The following PVT1 variants were observed in gnomAD, a reference collection of about 807,000 sequenced individuals.
PVT1 encodes CXCR4/PVT1 fusion.
chr8:127,931,806 A>G (rs1225291479), intron 3 of PVT1, among the ~76,000 whole-genome samples: 1 of 152,240 alleles, frequency 6.6e-6, no homozygotes, highest in Non-Finnish European at 1.5e-5. Flanking sequence ...CAGTGTTTAC[A>G]CAGGCTGGAG....
intron 2 of PVT1, among the ~76,000 whole-genome samples, chr8:127,815,566 T>A (rs1466868480): frequency 6.6e-6 from 1 of 152,190 alleles, no homozygotes; most frequent in Non-Finnish European, 1.5e-5. Context: ...ATCAGGTAGA[T>A]GCTGCTTTTC....
At chr8:128,013,731 C>A (rs1817340894) in intron 4 of PVT1, among the ~76,000 whole-genome samples, 1 of 152,210 alleles carries the variant, frequency 6.6e-6, no homozygotes, top group Non-Finnish European at 1.5e-5. Context: ...CTTTCTTTCC[C>A]TTCCACATAT....
intron 2 of PVT1, among the ~76,000 whole-genome samples, chr8:127,863,457 C>T (rs1419932806): frequency 6.6e-6 from 1 of 152,170 alleles, no homozygotes; most frequent in East Asian, 1.9e-4. Context: ...TGCCAAGGAA[C>T]TTCTCTCTTC....
At chr8:127,965,946 A>G (rs922800090) in intron 3 of PVT1, among the ~76,000 whole-genome samples, 7 of 152,222 alleles carry the variant, frequency 4.6e-5, no homozygotes, top group African/African-American at 1.4e-4. Flanking sequence ...TTTGATATGA[A>G]TGCAGAATCA....
At chr8:128,026,124 G>C (rs141601138) in intron 4 of PVT1, among the ~76,000 whole-genome samples, 164 of 152,094 alleles carry the variant, frequency 1.1e-3, no homozygotes, top group Non-Finnish European at 2.6e-4. Flanking sequence ...TGCAATTTTA[G>C]TAGAGATGAG....
intron 3 of PVT1, among the ~76,000 whole-genome samples, chr8:127,936,389 C>T (rs551801645): frequency 1.3e-5 from 2 of 152,204 alleles, no homozygotes; most frequent in African/African-American, 2.4e-5. Context: ...AGCCCTGAAG[C>T]GCCCAGGCTA....
At chr8:128,091,575 G>A (rs1375925530) in intron 5 of PVT1, among the ~76,000 whole-genome samples, 2 of 152,158 alleles carry the variant, frequency 1.3e-5, no homozygotes, top group Non-Finnish European at 1.5e-5. Flanking sequence ...CTGTTCTCCA[G>A]AAGTGCTGCT....
chr8:127,946,351 G>C (rs1160531642), intron 3 of PVT1, among the ~76,000 whole-genome samples: 1 of 152,198 alleles, frequency 6.6e-6, no homozygotes, highest in Admixed American at 6.5e-5. Flanking sequence ...AGGGGGAAGA[G>C]GTTAAGTATT....
chr8:127,911,434 C>T (rs374582875), intron 3 of PVT1, among the ~76,000 whole-genome samples: 29 of 152,216 alleles, frequency 1.9e-4, no homozygotes, highest in African/African-American at 7.0e-4. Context: ...TTTACCTGGC[C>T]GGCCTTGCAA....
chr8:128,039,659 T>C (rs1813508091), intron 4 of PVT1, among the ~76,000 whole-genome samples: 1 of 152,240 alleles, frequency 6.6e-6, no homozygotes, highest in Non-Finnish European at 1.5e-5. Flanking sequence ...ACTTTGGCTC[T>C]TTCTCTGTTG....
rs191228624 is a variant in PVT1, at chr8:127,859,847, C to T, written n.373-30742C>T. On this transcript the variant is annotated intron_variant and non_coding_transcript_variant, in intron 2 of 10. Coordinates refer to ENST00000651587, the Ensembl canonical transcript of PVT1. ...GGTAGTTGCAGGAGATTCTCATGCA[C>T]GGAGGCCCTTGGCCGTCATTTGTTT... Among the ~76,000 whole-genome samples, 6 of 152,018 alleles carry T rather than the reference C, an allele frequency of 3.9e-5. No homozygotes were observed. In the East Asian group the frequency reaches 1.2e-3, roughly 30 times the overall value.
At position 127,934,439 on chromosome 8, in the gene PVT1, G is replaced by C. The variant is rs115453100; in HGVS notation, n.782+43441G>C. Among the ~76,000 whole-genome samples, 1,495 of 152,332 alleles carry C rather than the reference G, an allele frequency of 9.8e-3. 25 individuals carry two copies. Among genetic ancestry groups the C allele is most frequent in the African/African-American group, 0.035 (1,441 of 41,566 alleles). On this transcript the variant is annotated intron_variant and non_coding_transcript_variant, in intron 3 of 10. Transcript: ENST00000651587. ...TCTGGGTGTCTTCCTCCCCAGGATG[G>C]TCTGGGCTCTCTCGGGATGGGAGGA...
chr8:127,829,126 A>G (rs12549512), intron 2 of PVT1, among the ~76,000 whole-genome samples: 103,094 of 151,838 alleles, frequency 0.68, 36,337 homozygotes, highest in African/African-American at 0.87. Context: ...AAATACAAAA[A>G]ATTAGCTGGA....
rs530941344 is a variant in PVT1 at position 128,068,717 on chromosome 8, C to G, written n.913-1443C>G. ...CCATGTTAGCCAGGATGGTCTTGAT[C>G]TCCTGACCTCGTGATCCACCTGTCT... On this transcript the variant is annotated intron_variant and non_coding_transcript_variant, in intron 4 of 10. Transcript: ENST00000651587. 3.9e-5 allele frequency among the ~76,000 whole-genome samples: 6 copies of G among 152,286 alleles called. No homozygotes were observed. In the South Asian group the frequency reaches 1.2e-3, roughly 32 times the overall value.
intron 2 of PVT1, among the ~76,000 whole-genome samples, chr8:127,879,496 T>A (rs1401327739): frequency 1.3e-5 from 2 of 152,136 alleles, no homozygotes; most frequent in Non-Finnish European, 2.9e-5. Context: ...GCCACTGCAC[T>A]CCAGCCTGGG....
intron 3 of PVT1, chr8:127,960,835 T>C: frequency 3.9e-6 from 1 of 256,832 alleles, no homozygotes; most frequent in East Asian, 1.5e-4. Flanking sequence ...ATTGAGCACA[T>C]ACTGCAGGCC....
At chr8:127,845,940 C>T (rs951621695) in intron 2 of PVT1, among the ~76,000 whole-genome samples, 2 of 152,238 alleles carry the variant, frequency 1.3e-5, no homozygotes, top group African/African-American at 4.8e-5. Flanking sequence ...TTCTCTGTCA[C>T]ATCCCACCCA....
intron 2 of PVT1, chr8:127,796,094 G>T: frequency 5.9e-6 from 1 of 170,358 alleles, no homozygotes. Flanking sequence ...GGTATATGCT[G>T]TACCCATTGA....
intron 3 of PVT1, among the ~76,000 whole-genome samples, chr8:127,985,816 G>A (rs528919599): frequency 7.9e-5 from 12 of 152,316 alleles, no homozygotes; most frequent in Admixed American, 2.0e-4. Context: ...TTTGCAGTGG[G>A]CGATGGTGTT....
Sources: allele counts gnomAD v4.1 joint callset (sites outside exome capture counted in the v4.1 genomes callset), GRCh38; gene constraint gnomAD v4.1.1; transcripts MANE v1.5; gene names NCBI Gene and HGNC (gene_info 2026-07-23, HGNC 2026-07-21).